Variants in MARCHF8 observed in about 807,000 individuals in gnomAD.
MARCHF8 encodes the protein membrane associated ring-CH-type finger 8, also known as E3 ubiquitin-protein ligase MARCHF8.
A neutral mutation model predicts 51.6 loss-of-function variants in MARCHF8; 40 were observed. The ratio of observed to expected loss-of-function variants is 0.77; its 90% CI spans 0.60 to 1.01. MARCHF8 has a LOEUF of 1.01. Ranked by LOEUF, MARCHF8 falls within the 50% of genes least tolerant of loss-of-function variation. MARCHF8 has a pLI of 0.00. For synonymous variants in MARCHF8, 263 were observed against 280.3 expected, an observed-to-expected ratio of 0.94 and a Z score of 0.62; for missense variants, 685 against 708.6, an observed-to-expected ratio of 0.97 and a Z score of 0.38.
intron 1 of MARCHF8, among the ~76,000 whole-genome samples, chr10:45,545,792 C>T (rs2044112152): frequency 1.3e-5 from 2 of 152,156 alleles, no homozygotes; most frequent in Non-Finnish European, 2.9e-5. Context: ...CTAGTATCAC[C>T]TCAAAGCCTT....
At chr10:45,526,524 C>G (rs1750573899) in intron 2 of MARCHF8, among the ~76,000 whole-genome samples, 1 of 152,142 alleles carries the variant, frequency 6.6e-6, no homozygotes, top group Admixed American at 6.5e-5. Flanking sequence ...CTGCTGCTAC[C>G]AGCCAACAAG....
chr10:45,461,367 G>C lies in MARCHF8; in HGVS notation c.1133C>G (p.Pro378Arg). The change falls in exon 6 of 8, where the codon CCC becomes CGC. Residue 378 changes from proline (P) to arginine (R), a missense_variant. Pro to Arg is a moderately radical substitution (Grantham distance 103). Coordinates refer to ENST00000453424, the MANE Select transcript of MARCHF8 (RefSeq NM_001282866.2). Reference protein sequence around the residue: ...EGDDESPLITPCHCTGSLHFV... With the variant: ...EGDDESPLITRCHCTGSLHFV... The stretch of plus-strand genomic sequence containing the variant: ...GTGGAGGCTTCCTGTGCAGTGGCAG[G>C]GGGTGATCAGGGGGCTCTCATCATC... 1 of 1,597,474 alleles carries C rather than the reference G, an allele frequency of 6.3e-7. No homozygotes were observed.
chr10:45,458,854 T>A (rs1842695197), intron 7 of MARCHF8, among the ~76,000 whole-genome samples: 2 of 151,916 alleles, frequency 1.3e-5, no homozygotes, highest in Admixed American at 1.3e-4. Context: ...CAAAGAAGAG[T>A]GGAAGACAGT....
intron 1 of MARCHF8, among the ~76,000 whole-genome samples, chr10:45,577,594 C>T (rs1476658327): frequency 6.6e-6 from 1 of 151,986 alleles, no homozygotes; most frequent in African/African-American, 2.4e-5. Flanking sequence ...TTCCATCACA[C>T]GAAGATACAG....
chr10:45,455,796 G>GA lies in MARCHF8; in HGVS notation c.*2442dup, dbSNP rs1842583648. 1 of 152,438 alleles carries GA rather than the reference G, an allele frequency of 6.6e-6. No homozygotes were observed. Among genetic ancestry groups the GA allele is most frequent in the South Asian group, 2.1e-4 (1 of 4,832 alleles). The allele number at this position is 152,438 out of a possible 1,614,324, so 9.4% of individuals were successfully genotyped here. ...TGTGCCCCGCCAGGAGAGGAAAGAA[G>GA]AATGTGTGTGGATTGTCCACAGTGA... On this transcript the variant is annotated 3_prime_UTR_variant, in exon 8 of 8. Transcript: ENST00000453424.
intron 1 of MARCHF8, among the ~76,000 whole-genome samples, chr10:45,565,932 G>GC (rs2044359412): frequency 6.6e-6 from 1 of 152,024 alleles, no homozygotes; most frequent in Non-Finnish European, 1.5e-5. Context: ...TAAACCCATG[G>GC]CCAACAGCAC....
chr10:45,558,692 G>GTACACACTA, intron 1 of MARCHF8, among the ~76,000 whole-genome samples: 1 of 152,336 alleles, frequency 6.6e-6, no homozygotes, highest in South Asian at 2.1e-4. Context: ...AGCACTAGCA[G>GTACACACTA]GCTGTGTGTA....
At chr10:45,494,297 G>T (rs12774690) in intron 2 of MARCHF8, among the ~76,000 whole-genome samples, 7,437 of 152,288 alleles carry the variant, frequency 0.049, 257 homozygotes, top group Non-Finnish European at 0.066. Context: ...ATACACCCTG[G>T]AAAGTAGAAA....
chr10:45,466,392 C>T (rs960223049), intron 3 of MARCHF8, among the ~76,000 whole-genome samples: 1 of 152,282 alleles, frequency 6.6e-6, no homozygotes. Context: ...AGCCTGATCA[C>T]GGTGTATTGC....
At chr10:45,464,218 G>T in intron 4 of MARCHF8, 21 bp downstream of exon 4, 1 of 1,608,638 alleles carries the variant, frequency 6.2e-7, no homozygotes, top group Non-Finnish European at 8.5e-7. Context: ...GATCATGGCA[G>T]CATCTGAAGC....
chr10:45,473,212 G>T (rs1253737411), intron 3 of MARCHF8, among the ~76,000 whole-genome samples: 1 of 152,194 alleles, frequency 6.6e-6, no homozygotes. Context: ...AGGAGGCCTA[G>T]GAGGGTTAGT....
At chr10:45,586,697 C>T (rs2044621902) in intron 1 of MARCHF8, among the ~76,000 whole-genome samples, 1 of 152,036 alleles carries the variant, frequency 6.6e-6, no homozygotes, top group Non-Finnish European at 1.5e-5. Context: ...TCATAATTTC[C>T]TTTAATAAAT....
rs1330255115 is a variant in MARCHF8 at position 45,463,616 on chromosome 10, T to G, written c.623A>C (p.Lys208Thr). The G allele has an allele frequency of 1.3e-6, 2 of 1,550,570 alleles. No individual in the cohort carries two copies. Among genetic ancestry groups the G allele is most frequent in the African/African-American group, 2.7e-5 (2 of 73,070 alleles). The part of the protein sequence containing the change: ...HHKEKRTLNH[K>T]PLGNSKHSCV... ...AGAATGTTTGGAATTGCCAAGAGGT[T>G]TGTGGTTCAGGGTTCTTTTTTCTTT... The change falls in exon 5 of 8, where the codon AAA becomes ACA. Residue 208 changes from lysine (K) to threonine (T), a missense_variant. Physicochemically the swap from Lys to Thr is moderately conservative, Grantham distance 78. Coordinates refer to ENST00000453424, the MANE Select transcript of MARCHF8 (RefSeq NM_001282866.2).
intron 3 of MARCHF8, among the ~76,000 whole-genome samples, chr10:45,467,376 G>A (rs920166858): frequency 4.6e-5 from 7 of 152,190 alleles, no homozygotes; most frequent in African/African-American, 1.7e-4. Flanking sequence ...AGATCTGTGG[G>A]GTCTTCACAG....
At chr10:45,507,261 C>T (rs1046756655) in intron 2 of MARCHF8, among the ~76,000 whole-genome samples, 2 of 152,190 alleles carry the variant, frequency 1.3e-5, no homozygotes, top group East Asian at 3.9e-4. Context: ...TAGTTTTGTC[C>T]TAAAATAAAA....
chr10:45,489,511 T>C lies in MARCHF8; in HGVS notation c.103-94A>G. 5.3e-6 allele frequency: 6 copies of C among 1,126,470 alleles called. 2 individuals carry two copies. In the South Asian group the frequency reaches 8.1e-5, roughly 15 times the overall value. 69.8% of individuals were successfully genotyped at this position (1,126,470 alleles called of 1,614,324 possible). A position where few individuals can be genotyped will look rare whatever the true frequency, so the allele number is the denominator to read the frequency against. ...TCACAACAACCCTACTGACAAATCA[T>C]TCCCTGAACTAGAATTTGCAAAGCA... On this transcript the variant is annotated intron_variant, in intron 2 of 7. Coordinates refer to ENST00000453424, the MANE Select transcript of MARCHF8 (RefSeq NM_001282866.2).
At chr10:45,534,323 G>C (rs148920340) in intron 1 of MARCHF8, among the ~76,000 whole-genome samples, 1 of 152,052 alleles carries the variant, frequency 6.6e-6, no homozygotes, top group Non-Finnish European at 1.5e-5. Flanking sequence ...CTGCCGTAAA[G>C]GGTTTCCTAG....
intron 1 of MARCHF8, among the ~76,000 whole-genome samples, chr10:45,581,572 A>T (rs2044556059): frequency 6.6e-6 from 1 of 152,206 alleles, no homozygotes; most frequent in South Asian, 2.1e-4. Flanking sequence ...TGCTCCTATA[A>T]ATATCTTATA....
chr10:45,498,160 C>T (rs1279416899), intron 2 of MARCHF8, among the ~76,000 whole-genome samples: 1 of 152,166 alleles, frequency 6.6e-6, no homozygotes, highest in Non-Finnish European at 1.5e-5. Context: ...AACACACCAT[C>T]ATATAAAGTA....
Sources: gnomAD v4.1 joint callset for allele counts (sites outside exome capture counted in the v4.1 genomes callset) on GRCh38, gnomAD v4.1.1 for gene constraint, MANE v1.5 for transcripts, NCBI Gene and HGNC (gene_info 2026-07-23, HGNC 2026-07-21) for gene names.